Variants in IL1RAPL1 observed in about 807,000 individuals in gnomAD.
The protein encoded by IL1RAPL1 is interleukin 1 receptor accessory protein like 1.
A neutral mutation model predicts 48.4 loss-of-function variants in IL1RAPL1; 3 were observed. The ratio of observed to expected loss-of-function variants is 0.06; its 90% confidence interval spans 0.03 to 0.16. The LOEUF is 0.16. IL1RAPL1 is among the 10% of genes least tolerant of loss of function. The probability of loss-of-function intolerance (pLI) is 1.00; values close to 1 mark genes in which losing one functional copy is unlikely to be tolerated. For synonymous variants in IL1RAPL1, 185 were observed against 187.7 expected (o/e 0.99, Z 0.12); for missense variants, 349 against 530.6 (o/e 0.66, Z 3.36).
intron 2 of IL1RAPL1, among the ~76,000 whole-genome samples, chrX:28,917,029 T>A (rs1372609605): frequency 4.5e-5 from 5 of 111,828 alleles, no homozygotes; most frequent in African/African-American, 1.6e-4. Flanking sequence ...TTGTTTTTCC[T>A]ACTAAGAAAC....
intron 3 of IL1RAPL1, among the ~76,000 whole-genome samples, chrX:29,364,407 A>C (rs912242019): frequency 9.2e-6 from 1 of 108,229 alleles, no homozygotes; most frequent in African/African-American, 3.4e-5. Context: ...AAAAATACAA[A>C]AGACAATTAG....
Position 29,058,565 on chromosome X carries a change from G to A in IL1RAPL1, c.83-224373G>A, listed in dbSNP as rs926527771. Among the ~76,000 whole-genome samples, 9 of 111,861 alleles carry A rather than the reference G, an allele frequency of 8.0e-5. No individual in the cohort carries two copies. The East Asian group carries it at 2.5e-3, about 31-fold the overall frequency. On this transcript the variant is annotated intron_variant, in intron 2 of 10. Transcript: ENST00000378993. ...ATTTAGTACTAAAAAAGTGATTTGT[G>A]GCTAATATAACATTCAATTAAAATT...
chrX:29,691,848 C>T (rs999376255), intron 6 of IL1RAPL1, among the ~76,000 whole-genome samples: 5 of 109,896 alleles, frequency 4.5e-5, no homozygotes, highest in African/African-American at 6.7e-5. Flanking sequence ...TGTTAATGAT[C>T]GTGTCCTGCC....
chrX:29,803,168 TATGC>T (rs1311201869), intron 6 of IL1RAPL1, among the ~76,000 whole-genome samples: 2 of 79,529 alleles, frequency 2.5e-5, no homozygotes, highest in Non-Finnish European at 4.6e-5. Context: ...TGCATACACA[TATGC>T]ATACATATAT....
intron 3 of IL1RAPL1, among the ~76,000 whole-genome samples, chrX:29,364,836 A>G (rs1258210460): frequency 9.0e-6 from 1 of 111,064 alleles, no homozygotes; most frequent in Non-Finnish European, 1.9e-5. Context: ...TTCAGTGTCC[A>G]CAGGAGGTCC....
rs141704082 is a variant in IL1RAPL1, at chrX:29,331,463, T to C, written c.362+48246T>C. Among the ~76,000 whole-genome samples the C allele has an allele frequency of 4.7e-3, 519 of 111,517 alleles. 4 individuals carry two copies. Among genetic ancestry groups the C allele is most frequent in the African/African-American group, 0.016 (506 of 30,671 alleles). The stretch of plus-strand genomic sequence containing the variant: ...GAGATAATAGATGAGAATTCTCAGC[T>C]CTTTCCCAAGGAGATAGACAAAATA... On this transcript the variant is annotated intron_variant, in intron 3 of 10. Transcript: ENST00000378993.
At chrX:29,642,807 G>A (rs992932187) in intron 5 of IL1RAPL1, among the ~76,000 whole-genome samples, 9 of 112,333 alleles carry the variant, frequency 8.0e-5, no homozygotes, top group African/African-American at 2.6e-4. Flanking sequence ...AATGTTGAGA[G>A]TTAGTCTAGT....
chrX:29,769,438 T>TG (rs2147150320), intron 6 of IL1RAPL1, among the ~76,000 whole-genome samples: 1 of 62,677 alleles, frequency 1.6e-5, no homozygotes, highest in East Asian at 5.6e-4. Context: ...TTTTTTTTTT[T>TG]TTTTTTTTTT....
At chrX:29,633,391 A>C (rs1048857354) in intron 5 of IL1RAPL1, among the ~76,000 whole-genome samples, 4 of 109,821 alleles carry the variant, frequency 3.6e-5, no homozygotes, top group African/African-American at 1.3e-4. Flanking sequence ...TGGCATGTTG[A>C]TCTAATGTTC....
intron 3 of IL1RAPL1, among the ~76,000 whole-genome samples, chrX:29,283,843 T>A (rs1932240314): frequency 8.9e-6 from 1 of 112,570 alleles, no homozygotes; most frequent in Non-Finnish European, 1.9e-5. Context: ...TACACATCTT[T>A]GTCAGCTTCT....
chrX:28,828,893 G>A (rs1374696433), intron 2 of IL1RAPL1, among the ~76,000 whole-genome samples: 1 of 111,733 alleles, frequency 8.9e-6, no homozygotes, highest in Non-Finnish European at 1.9e-5. Context: ...GCGATGCTGA[G>A]ATGTTGAAAA....
intron 3 of IL1RAPL1, among the ~76,000 whole-genome samples, chrX:29,386,513 A>G (rs1184532740): frequency 9.2e-6 from 1 of 109,205 alleles, no homozygotes; most frequent in African/African-American, 3.3e-5. Context: ...GCCATTGCTC[A>G]ATACATGTGT....
At chrX:29,163,678 A>T (rs1250682705) in intron 2 of IL1RAPL1, among the ~76,000 whole-genome samples, 1 of 111,634 alleles carries the variant, frequency 9.0e-6, no homozygotes, top group Non-Finnish European at 1.9e-5. Flanking sequence ...GAGAAGAGAG[A>T]TAACAAAGGA....
chrX:29,890,095 G>A (rs1171653207), intron 6 of IL1RAPL1, among the ~76,000 whole-genome samples: 1 of 111,463 alleles, frequency 9.0e-6, no homozygotes, highest in African/African-American at 3.3e-5. Context: ...AACTTTGTTT[G>A]TAGTATTTAA....
intron 2 of IL1RAPL1, among the ~76,000 whole-genome samples, chrX:28,933,583 G>A (rs750367295): frequency 7.2e-5 from 8 of 111,426 alleles, no homozygotes; most frequent in Non-Finnish European, 1.3e-4. Flanking sequence ...TATCGGAAAT[G>A]GGCCCTGATC....
intron 2 of IL1RAPL1, among the ~76,000 whole-genome samples, chrX:28,873,567 T>A (rs1357122865): frequency 1.2e-5 from 1 of 86,519 alleles, no homozygotes; most frequent in East Asian, 4.0e-4. Flanking sequence ...AGTCTCGCTC[T>A]GTCGCCCAGG....
intron 2 of IL1RAPL1, among the ~76,000 whole-genome samples, chrX:28,969,190 T>C (rs1238240449): frequency 8.9e-6 from 1 of 112,258 alleles, no homozygotes; most frequent in Non-Finnish European, 1.9e-5. Context: ...GTTATTTTTA[T>C]TTATTTATTC....
intron 2 of IL1RAPL1, among the ~76,000 whole-genome samples, chrX:29,148,884 A>G (rs949799926): frequency 2.3e-4 from 26 of 111,612 alleles, no homozygotes; most frequent in African/African-American, 8.4e-4. Context: ...ACGTACCCAG[A>G]TAATACCAGC....
chrX:29,928,224 T>C (rs1932909095), intron 8 of IL1RAPL1, among the ~76,000 whole-genome samples: 1 of 111,992 alleles, frequency 8.9e-6, no homozygotes, highest in South Asian at 3.7e-4. Context: ...GGAACTCATA[T>C]CGATGTATTA....
Sources: gnomAD v4.1 joint callset for allele counts (sites outside exome capture counted in the v4.1 genomes callset) on GRCh38, gnomAD v4.1.1 for gene constraint, MANE v1.5 for transcripts, NCBI Gene and HGNC (gene_info 2026-07-23, HGNC 2026-07-21) for gene names.